The following PRKN variants were observed in gnomAD, a reference collection of about 807,000 sequenced individuals.
PRKN encodes the protein E3 ubiquitin-protein ligase parkin.
Under a neutral mutation model 59.5 loss-of-function variants are expected in PRKN, and 56 were observed. The observed-to-expected ratio is 0.94, with a 90% CI of 0.76 to 1.18. The LOEUF is 1.18. Among genes scored for constraint, PRKN ranks in the 50% most tolerant of loss-of-function variants. The pLI, the probability that PRKN is intolerant of heterozygous loss-of-function variation, is 0.00. For missense variants in PRKN, 657 were observed against 596.4 expected, an observed-to-expected ratio of 1.10 and a Z score of -1.06; for synonymous variants, 250 against 222.1, an observed-to-expected ratio of 1.13 and a Z score of -1.12.
rs147969120 is a variant in PRKN, at chr6:161,538,811, G to A, written c.1083+10043C>T. The stretch of plus-strand genomic sequence containing the variant: ...GAGAGATTTGATTGAATAACTGATC[G>A]ACTTAGCCTTTCCCAGTGGAATGTT... On this transcript the variant is annotated intron_variant, in intron 9 of 11. Coordinates refer to ENST00000366898, the MANE Select transcript of PRKN (RefSeq NM_004562.3). The surrounding 1 kb of genome is among the most constrained non-coding windows in gnomAD (Gnocchi z 4.2). Among the ~76,000 whole-genome samples the A allele has an allele frequency of 1.9e-4, 29 of 152,250 alleles. No homozygotes were observed. In the East Asian group the frequency reaches 5.0e-3, roughly 26 times the overall value.
chr6:161,874,235 T>TATATAATATATAATATATATGTAAA (rs1794526033), intron 6 of PRKN, among the ~76,000 whole-genome samples: 1 of 8,738 alleles, frequency 1.1e-4, no homozygotes, highest in Non-Finnish European at 3.2e-4. Flanking sequence ...TTATATATAA[T>TATATAATATATAATATATATGTAAA]ATATAATATA....
chr6:162,193,166 A>G (rs1377608216), intron 4 of PRKN, among the ~76,000 whole-genome samples: 3 of 152,198 alleles, frequency 2.0e-5, no homozygotes, highest in African/African-American at 4.8e-5. Flanking sequence ...ATTGACCCAC[A>G]TTTCTCTAGA....
intron 7 of PRKN, among the ~76,000 whole-genome samples, chr6:161,596,293 G>A (rs1330074126): frequency 1.3e-5 from 2 of 151,994 alleles, no homozygotes; most frequent in African/African-American, 4.8e-5. Flanking sequence ...ACATTACTAT[G>A]GTTGGAGGTT....
intron 9 of PRKN, among the ~76,000 whole-genome samples, chr6:161,441,659 A>AC (rs929232586): frequency 1.3e-5 from 2 of 150,858 alleles, no homozygotes; most frequent in African/African-American, 4.9e-5. Context: ...AAAAAAAAAA[A>AC]AAAAAAAAAA....
chr6:161,425,333 A>G (rs959594128), intron 9 of PRKN, among the ~76,000 whole-genome samples: 2 of 152,180 alleles, frequency 1.3e-5, no homozygotes, highest in African/African-American at 4.8e-5. Flanking sequence ...TTGCCTTACA[A>G]CACATCAAAA....
intron 1 of PRKN, among the ~76,000 whole-genome samples, chr6:162,553,849 GGGT>G (rs1779436955): frequency 1.1e-4 from 6 of 52,214 alleles, no homozygotes; most frequent in Admixed American, 2.9e-4. Flanking sequence ...AAAAAAAAAA[GGGT>G]AAAAGTGAGT....
At chr6:161,961,754 A>C (rs558229540) in intron 6 of PRKN, among the ~76,000 whole-genome samples, 4 of 152,196 alleles carry the variant, frequency 2.6e-5, no homozygotes, top group African/African-American at 9.7e-5. Context: ...GCCACGGATG[A>C]ACTCAGTAAA....
chr6:162,387,567 G>C (rs200225766), intron 2 of PRKN, among the ~76,000 whole-genome samples: 11,417 of 129,418 alleles, frequency 0.088, 470 homozygotes, highest in South Asian at 0.12. Flanking sequence ...GAGAGAGAGA[G>C]AGAGAGAGAG....
At chr6:162,203,213 C>G (rs1784804282) in intron 3 of PRKN, among the ~76,000 whole-genome samples, 1 of 152,146 alleles carries the variant, frequency 6.6e-6, no homozygotes, top group Non-Finnish European at 1.5e-5. Context: ...AGCTAAGGAA[C>G]TTTTCCACCT....
chr6:162,351,505 A>C (rs2128131220), intron 2 of PRKN, among the ~76,000 whole-genome samples: 1 of 152,322 alleles, frequency 6.6e-6, no homozygotes, highest in African/African-American at 2.4e-5. Flanking sequence ...AAATGGTACA[A>C]CTACTTTGGA....
chr6:161,911,718 T>A (rs566196493), intron 6 of PRKN, among the ~76,000 whole-genome samples: 3 of 152,254 alleles, frequency 2.0e-5, no homozygotes, highest in Admixed American at 6.5e-5. Context: ...AAAATGGCAC[T>A]TCAAACCAGT....
chr6:161,718,365 T>A (rs1787076790), intron 7 of PRKN, among the ~76,000 whole-genome samples: 1 of 136,628 alleles, frequency 7.3e-6, no homozygotes, highest in Non-Finnish European at 1.5e-5. Flanking sequence ...ATGACTCAGT[T>A]TCCCTACTGA....
At chr6:161,863,838 G>A (rs6919134) in intron 6 of PRKN, among the ~76,000 whole-genome samples, 10,897 of 152,226 alleles carry the variant, frequency 0.072, 1,302 homozygotes, top group African/African-American at 0.25. Context: ...TCCCATGAAT[G>A]TTTTGGTTTC....
chr6:162,288,830 G>C (rs1402237030), intron 2 of PRKN, among the ~76,000 whole-genome samples: 1 of 152,176 alleles, frequency 6.6e-6, no homozygotes, highest in African/African-American at 2.4e-5. Flanking sequence ...ATGCTTGGCT[G>C]CTGAGGAAGG....
At chr6:162,193,960 C>A (rs1237698191) in intron 4 of PRKN, among the ~76,000 whole-genome samples, 1 of 152,112 alleles carries the variant, frequency 6.6e-6, no homozygotes, top group Admixed American at 6.6e-5. Flanking sequence ...ATATAAAATA[C>A]AGAAGATCCT....
rs1216590594 is a variant in PRKN, at chr6:161,549,552, T to C, written c.934-549A>G. On this transcript the variant is annotated intron_variant, in intron 8 of 11. Transcript: ENST00000366898. This position sits in a 1 kb window ranked among gnomAD's most constrained non-coding sequence, Gnocchi z 6.0. ...GAAGACTAATGTTAAACAATCACAT[T>C]TTCCCTTTATCATTATTCTTATTCT... is the stretch of plus-strand genomic sequence containing the variant. Among the ~76,000 whole-genome samples, 1 of 152,164 alleles carries C rather than the reference T, an allele frequency of 6.6e-6. No individual in the cohort carries two copies. Among genetic ancestry groups the C allele is most frequent in the Non-Finnish European group, 1.5e-5 (1 of 68,040 alleles).
chr6:161,799,738 T>C (rs1476491865), intron 6 of PRKN, among the ~76,000 whole-genome samples: 1 of 152,178 alleles, frequency 6.6e-6, no homozygotes, highest in African/African-American at 2.4e-5. Flanking sequence ...GGAAATGCCA[T>C]GGGATCATGT....
chr6:161,836,792 C>T (rs541194391), intron 6 of PRKN, among the ~76,000 whole-genome samples: 11 of 152,244 alleles, frequency 7.2e-5, no homozygotes, highest in South Asian at 4.1e-4. Context: ...TCCCCTGAAC[C>T]GGGGAGAGGG....
At chr6:161,365,505 C>A (rs1191252595) in intron 10 of PRKN, among the ~76,000 whole-genome samples, 1 of 152,214 alleles carries the variant, frequency 6.6e-6, no homozygotes, top group Non-Finnish European at 1.5e-5. Context: ...TTGAAGAAAC[C>A]TCCTGCCTGT....
Sources: gnomAD v4.1 joint callset for allele counts (sites outside exome capture counted in the v4.1 genomes callset) on GRCh38, gnomAD v4.1.1 for gene constraint, Gnocchi (gnomAD v3.1) non-coding constraint, MANE v1.5 for transcripts, NCBI Gene and HGNC (gene_info 2026-07-23, HGNC 2026-07-21) for gene names.